Variants in WWC2 observed in about 807,000 individuals in gnomAD.
WWC2 encodes WW and C2 domain containing 2.
A neutral mutation model predicts 138.5 loss-of-function variants in WWC2; 101 were observed. That is an observed-to-expected ratio of 0.73 (90% CI 0.62 to 0.86). The LOEUF (loss-of-function observed/expected upper bound fraction) is 0.86, where lower values mean the gene tolerates loss of function less well. Among genes scored for constraint, WWC2 ranks in the 40% least tolerant of loss-of-function variants. WWC2 has a pLI of 0.00. For synonymous variants in WWC2, 558 were observed against 538.4 expected, an observed-to-expected ratio of 1.04 and a Z score of -0.50; for missense variants, 1,420 against 1,419.4, an observed-to-expected ratio of 1.00 and a Z score of -0.01.
At chr4:183,157,824 T>TTC (rs140175115) in intron 1 of WWC2, among the ~76,000 whole-genome samples, 4,509 of 149,892 alleles carry the variant, frequency 0.03, 236 homozygotes, top group African/African-American at 0.1. Context: ...TTTTTTTTTT[T>TTC]CACTGTCTTC....
At chr4:183,240,105 TTTA>T in intron 4 of WWC2, 75 bp from the exon 5 acceptor site, 1 of 1,037,210 alleles carries the variant, frequency 9.6e-7, no homozygotes, top group Non-Finnish European at 1.4e-6. Flanking sequence ...TGTTTACTAA[TTTA>T]TTATCTTTTA....
chr4:183,285,629 G>T (rs1738221888), intron 19 of WWC2, among the ~76,000 whole-genome samples: 1 of 152,184 alleles, frequency 6.6e-6, no homozygotes, highest in Non-Finnish European at 1.5e-5. Flanking sequence ...GCATGGTGGC[G>T]TGCGCCTGTA....
rs75212844 is a variant in WWC2, at chr4:183,145,068, G to A, written c.131+45446G>A. Among the ~76,000 whole-genome samples the A allele has an allele frequency of 5.2e-3, 786 of 152,294 alleles. 5 individuals are homozygous for A. Among genetic ancestry groups the A allele is most frequent in the African/African-American group, 0.018 (759 of 41,554 alleles). ...TTGATACCCTGTAGTTAGAGAGAAG[G>A]CGTTATCAATTTAGCAACTGCAGTT... On this transcript the variant is annotated intron_variant, in intron 1 of 22. Coordinates refer to ENST00000403733, the MANE Select transcript of WWC2 (RefSeq NM_024949.6).
At chr4:183,115,020 C>T (rs1410631375) in intron 1 of WWC2, among the ~76,000 whole-genome samples, 5 of 152,138 alleles carry the variant, frequency 3.3e-5, no homozygotes, top group Non-Finnish European at 7.4e-5. Flanking sequence ...TCTTCACCCT[C>T]CTCCCACCTT....
At chr4:183,243,574 C>T (rs931163604) in intron 5 of WWC2, among the ~76,000 whole-genome samples, 1 of 152,132 alleles carries the variant, frequency 6.6e-6, no homozygotes, top group African/African-American at 2.4e-5. Context: ...ATGTGGTAGT[C>T]ATAAGAGCCC....
chr4:183,144,156 A>G (rs912152872), intron 1 of WWC2, among the ~76,000 whole-genome samples: 1 of 152,184 alleles, frequency 6.6e-6, no homozygotes, highest in African/African-American at 2.4e-5. Flanking sequence ...CTTCTGAATG[A>G]TTTGTGTCTC....
chr4:183,130,880 A>T (rs1235010111), intron 1 of WWC2, among the ~76,000 whole-genome samples: 2 of 152,238 alleles, frequency 1.3e-5, no homozygotes, highest in Non-Finnish European at 2.9e-5. Context: ...TGTACTATTT[A>T]AATGTTAAAT....
At chr4:183,303,561 A>G (rs1397150728) in intron 21 of WWC2, among the ~76,000 whole-genome samples, 3 of 152,192 alleles carry the variant, frequency 2.0e-5, no homozygotes, top group Non-Finnish European at 4.4e-5. Flanking sequence ...ACTTTCTAAT[A>G]TGAGTGTAGG....
At chr4:183,223,581 T>G (rs895787191) in intron 4 of WWC2, among the ~76,000 whole-genome samples, 4 of 152,266 alleles carry the variant, frequency 2.6e-5, no homozygotes, top group African/African-American at 9.6e-5. Context: ...AATTCTTTAT[T>G]GCTGTCCAAA....
chr4:183,320,019 A>G lies in WWC2; in HGVS notation c.*4290A>G, dbSNP rs764255287. ...AGCAGGCAAAGCCAGGAAGGAGTCA[A>G]AGTCCTTGCATTGCATCCCCACTTC... is the stretch of plus-strand genomic sequence containing the variant. On this transcript the variant is annotated 3_prime_UTR_variant, in exon 23 of 23. Transcript: ENST00000403733. 7.4e-6 allele frequency: 12 copies of G among 1,613,834 alleles called. No individual in the cohort carries two copies. The highest frequency in any genetic ancestry group is 6.7e-5 in the Admixed American group (4 of 60,000).
At chr4:183,247,794 A>G (rs1465956948) in intron 6 of WWC2, among the ~76,000 whole-genome samples, 2 of 138,530 alleles carry the variant, frequency 1.4e-5, no homozygotes, top group Admixed American at 7.6e-5. Flanking sequence ...TATTATATAT[A>G]TAGTATATAG....
intron 1 of WWC2, among the ~76,000 whole-genome samples, chr4:183,104,587 G>A (rs1220343801): frequency 6.6e-6 from 1 of 152,178 alleles, no homozygotes; most frequent in Admixed American, 6.5e-5. Context: ...TCTCCAGCAG[G>A]CCCTGAGTCT....
Position 183,280,758 on chromosome 4 carries a change from A to T in WWC2, c.2563-18A>T. The T allele has an allele frequency of 6.3e-7, 1 of 1,593,894 alleles. No individual in the cohort carries two copies. On this transcript the variant is annotated intron_variant, in intron 16 of 22. Coordinates refer to ENST00000403733, the MANE Select transcript of WWC2 (RefSeq NM_024949.6). The stretch of plus-strand genomic sequence containing the variant: ...TCAAGTATATTATGTTAATTGCCGT[A>T]TGCTTTACATTCTTCAGGATGCAGT...
chr4:183,148,849 G>T (rs576384907), intron 1 of WWC2, among the ~76,000 whole-genome samples: 1 of 151,382 alleles, frequency 6.6e-6, no homozygotes, highest in African/African-American at 2.4e-5. Flanking sequence ...GGACCCAGCC[G>T]GGCACAGTAG....
At chr4:183,135,710 T>G (rs1310520384) in intron 1 of WWC2, among the ~76,000 whole-genome samples, 2 of 152,204 alleles carry the variant, frequency 1.3e-5, no homozygotes, top group Non-Finnish European at 2.9e-5. Flanking sequence ...TCACTTTCTT[T>G]CCTCAGTGCA....
chr4:183,242,206 C>T (rs1736645064), intron 5 of WWC2, among the ~76,000 whole-genome samples: 1 of 152,114 alleles, frequency 6.6e-6, no homozygotes, highest in Non-Finnish European at 1.5e-5. Context: ...ACTGAATGAT[C>T]AACAATCAAA....
Position 183,235,449 on chromosome 4 carries a change from G to A in WWC2, c.523-4734G>A, listed in dbSNP as rs559180582. 9.0e-4 allele frequency among the ~76,000 whole-genome samples: 137 copies of A among 152,224 alleles called. 2 individuals are homozygous for A. Among genetic ancestry groups the A allele is most frequent in the Admixed American group, 1.2e-3 (18 of 15,290 alleles). The stretch of plus-strand genomic sequence containing the variant: ...AACAATGTTGCACAGCAGAGTTCTA[G>A]ACTAATTTTCATGTTGCATAACTGA... On this transcript the variant is annotated intron_variant, in intron 4 of 22. Transcript: ENST00000403733.
chr4:183,193,739 TA>T, intron 2 of WWC2, 31 bp downstream of exon 2: 1 of 1,555,932 alleles, frequency 6.4e-7, no homozygotes, highest in Non-Finnish European at 8.8e-7. Context: ...AAAGCAAACA[TA>T]TCAGAAAAGT....
At chr4:183,298,141 T>C (rs1738701592) in intron 21 of WWC2, among the ~76,000 whole-genome samples, 1 of 152,178 alleles carries the variant, frequency 6.6e-6, no homozygotes, top group African/African-American at 2.4e-5. Flanking sequence ...GCTAAGAAAA[T>C]TTCAGCTTAA....
Sources: gnomAD v4.1 joint callset for allele counts (sites outside exome capture counted in the v4.1 genomes callset) on GRCh38, gnomAD v4.1.1 for gene constraint, MANE v1.5 for transcripts, NCBI Gene and HGNC (gene_info 2026-07-23, HGNC 2026-07-21) for gene names.